The following KIR2DL4 variants were observed in gnomAD, a reference collection of about 807,000 sequenced individuals.
The protein encoded by KIR2DL4 is killer cell immunoglobulin like receptor, two Ig domains and long cytoplasmic tail 4.
Under a neutral mutation model 31.0 loss-of-function variants are expected in KIR2DL4, and 41 were observed. That is an observed-to-expected ratio of 1.32 (90% confidence interval 1.03 to 1.72). The LOEUF (loss-of-function observed/expected upper bound fraction) is 1.72, where lower values mean the gene tolerates loss of function less well. Among genes scored for constraint, KIR2DL4 ranks in the 40% most tolerant of loss-of-function variants. The pLI, the probability that KIR2DL4 is intolerant of heterozygous loss-of-function variation, is 0.00. For missense variants in KIR2DL4, 438 were observed against 353.7 expected, an observed-to-expected ratio of 1.24 and a Z score of -1.91; for synonymous variants, 164 against 133.6, an observed-to-expected ratio of 1.23 and a Z score of -1.57.
chr19:54,813,364 A>C, intron 6 of KIR2DL4: 2 of 1,398,824 alleles, frequency 1.4e-6, no homozygotes, highest in Non-Finnish European at 1.9e-6. Context: ...CTTTCTAGAG[A>C]GAGCACCAGA....
chr19:54,813,038 G>C, intron 5 of KIR2DL4: 1 of 1,050,672 alleles, frequency 9.5e-7, no homozygotes, highest in East Asian at 2.8e-5. Context: ...TGTTTTATGT[G>C]GTTGCCTGGC....
intron 3 of KIR2DL4, 86 bp from the exon 4 acceptor site, chr19:54,805,865 G>A: frequency 2.4e-6 from 3 of 1,224,998 alleles, no homozygotes; most frequent in Non-Finnish European, 3.4e-6. Context: ...AGGCCATAGA[G>A]CAGGGCAGTG....
At chr19:54,808,465 C>T (rs780424686) in intron 4 of KIR2DL4, among the ~76,000 whole-genome samples, 6 of 150,816 alleles carry the variant, frequency 4.0e-5, no homozygotes, top group Non-Finnish European at 8.8e-5. Flanking sequence ...CTGTCCTTTC[C>T]AGATTGTAGA....
intron 1 of KIR2DL4, 83 bp from the exon 2 acceptor site, chr19:54,803,808 A>T (rs2060323167): frequency 1.9e-6 from 3 of 1,565,080 alleles, no homozygotes; most frequent in Non-Finnish European, 2.6e-6. Context: ...GTTAATTTTC[A>T]GTCCAGCGTG....
chr19:54,810,029 A>G (rs1205706888), intron 5 of KIR2DL4, among the ~76,000 whole-genome samples: 13 of 150,028 alleles, frequency 8.7e-5, no homozygotes, highest in Admixed American at 4.6e-4. Flanking sequence ...GATATTGCAA[A>G]GGATTAAATG....
At chr19:54,804,750 C>T in intron 2 of KIR2DL4, 43 bp from the exon 3 acceptor site, 1 of 1,586,704 alleles carries the variant, frequency 6.3e-7, no homozygotes, top group East Asian at 2.2e-5. Context: ...GGAGGGGCAG[C>T]TCAACATACT....
At chr19:54,808,118 C>A (rs2060635550) in intron 4 of KIR2DL4, among the ~76,000 whole-genome samples, 1 of 150,526 alleles carries the variant, frequency 6.6e-6, no homozygotes, top group South Asian at 2.1e-4. Context: ...GCATAGTTTG[C>A]AAATATTTGC....
In KIR2DL4 at chr19:54,805,096, G is replaced by A; in HGVS notation, c.361+19G>A. The A allele has an allele frequency of 6.3e-7, 1 of 1,576,068 alleles. No individual in the cohort carries two copies. The highest frequency in any genetic ancestry group is 8.6e-7 in the Non-Finnish European group (1 of 1,165,280). On this transcript the variant is annotated intron_variant, in intron 3 of 7. Transcript: ENST00000359085. ...GTCACAGGTCAGAGGGCTCCTGTCTGGGCTTCTCCTTGTCCCACCTCCTGA... is the reference window on the plus strand; with the variant it reads ...GTCACAGGTCAGAGGGCTCCTGTCTAGGCTTCTCCTTGTCCCACCTCCTGA...
chr19:54,806,171 A>G (rs1001230224), exon 4 of KIR2DL4: 2 of 1,611,488 alleles, frequency 1.2e-6, no homozygotes, highest in African/African-American at 1.4e-5. Context: ...AGACCTACAG[A>G]TGCTTCGGCT....
chr19:54,808,040 T>A (rs2060630008), intron 4 of KIR2DL4, among the ~76,000 whole-genome samples: 1 of 151,220 alleles, frequency 6.6e-6, no homozygotes, highest in African/African-American at 2.4e-5. Context: ...AATTTTATAA[T>A]TAAATTATTA....
chr19:54,806,384 A>G lies in KIR2DL4; in HGVS notation c.655+140A>G, dbSNP rs2147903445. On this transcript the variant is annotated intron_variant, in intron 4 of 7. Transcript: ENST00000359085. Reference sequence around the variant, plus strand: ...TGTGAGGGTGGGATCAGGGCACAGGATGGCAGACAGGGCACCTCCAAACCC... The same window carrying G: ...TGTGAGGGTGGGATCAGGGCACAGGGTGGCAGACAGGGCACCTCCAAACCC... The G allele has an allele frequency of 3.0e-6, 3 of 1,001,054 alleles. 1 individual carries two copies. The East Asian group carries it at 7.2e-5, about 24-fold the overall frequency. 62.0% of individuals were successfully genotyped at this position (1,001,054 alleles called of 1,614,324 possible).
At chr19:54,813,233 G>A (rs1237656898) in intron 6 of KIR2DL4, 3 of 1,517,054 alleles carry the variant, frequency 2.0e-6, no homozygotes, top group Non-Finnish European at 2.6e-6. Flanking sequence ...AAAAAAGTAA[G>A]CCTCACGAAG....
At chr19:54,808,971 C>A in intron 5 of KIR2DL4, 88 bp downstream of exon 5, 1 of 1,048,836 alleles carries the variant, frequency 9.5e-7, no homozygotes. Flanking sequence ...CACCTGCCAG[C>A]TCTGTGATTG....
rs1372768094 is a variant in KIR2DL4, at chr19:54,810,130, T to G, written c.706+1247T>G. Reference sequence around the variant, plus strand: ...ATGAGAATGATTGATTGATTGGTTGTTTTTATGAGACAGTGTCTCCCTCTG... The same window carrying G: ...ATGAGAATGATTGATTGATTGGTTGGTTTTATGAGACAGTGTCTCCCTCTG... On this transcript the variant is annotated intron_variant, in intron 5 of 7. Transcript: ENST00000359085. Among the ~76,000 whole-genome samples, 69 of 149,230 alleles carry G rather than the reference T, an allele frequency of 4.6e-4. 1 individual carries two copies. Among genetic ancestry groups the G allele is most frequent in the Middle Eastern group, 6.8e-3 (2 of 294 alleles).
At chr19:54,807,831 T>C (rs1195553633) in intron 4 of KIR2DL4, among the ~76,000 whole-genome samples, 1 of 149,242 alleles carries the variant, frequency 6.7e-6, no homozygotes, top group Non-Finnish European at 1.5e-5. Flanking sequence ...GGTTCTCCTT[T>C]CTCCACCACC....
At chr19:54,806,054 C>T (rs1439125442) in exon 4 of KIR2DL4, 1 of 1,611,700 alleles carries the variant, frequency 6.2e-7, no homozygotes, top group African/African-American at 1.3e-5. Flanking sequence ...TTGACATCTA[C>T]CATCTATCCA....
At chr19:54,804,284 A>G (rs1180585843) in intron 2 of KIR2DL4, among the ~76,000 whole-genome samples, 5 of 151,042 alleles carry the variant, frequency 3.3e-5, no homozygotes, top group Non-Finnish European at 4.4e-5. Context: ...TGTCACCGAC[A>G]GAGGAGGGAA....
intron 5 of KIR2DL4, among the ~76,000 whole-genome samples, chr19:54,810,205 A>G (rs1290138539): frequency 1.3e-5 from 2 of 149,014 alleles, no homozygotes; most frequent in African/African-American, 2.5e-5. Context: ...CGCAACCTCC[A>G]CCTCCCAGGT....
At chr19:54,805,644 G>A (rs2060468386) in intron 3 of KIR2DL4, among the ~76,000 whole-genome samples, 1 of 150,998 alleles carries the variant, frequency 6.6e-6, no homozygotes. Context: ...GTTCTCTCCT[G>A]CCGCCATGTT....
Sources: gnomAD v4.1 joint callset for allele counts (sites outside exome capture counted in the v4.1 genomes callset) on GRCh38, gnomAD v4.1.1 for gene constraint, MANE v1.5 for transcripts, NCBI Gene and HGNC (gene_info 2026-07-23, HGNC 2026-07-21) for gene names.